Variants in L3MBTL3 observed in about 807,000 individuals in gnomAD.
L3MBTL3 encodes L3MBTL histone methyl-lysine binding protein 3.
Under a neutral mutation model 102.3 loss-of-function variants are expected in L3MBTL3, and 27 were observed. The observed-to-expected ratio is 0.26, with a 90% CI of 0.19 to 0.36. The LOEUF (loss-of-function observed/expected upper bound fraction) is 0.36. Ranked by LOEUF, L3MBTL3 falls within the 10% of genes least tolerant of loss-of-function variation. The pLI is 1.00. For missense variants in L3MBTL3, 798 were observed against 955.3 expected, an observed-to-expected ratio of 0.84 and a Z score of 2.17; for synonymous variants, 340 against 320.9, an observed-to-expected ratio of 1.06 and a Z score of -0.64.
intron 15 of L3MBTL3, among the ~76,000 whole-genome samples, chr6:130,084,578 T>G (rs1405338724): frequency 6.6e-6 from 1 of 152,156 alleles, no homozygotes; most frequent in African/African-American, 2.4e-5. Context: ...AGTTGAAGAT[T>G]TAAAAAAGAA....
intron 20 of L3MBTL3, among the ~76,000 whole-genome samples, chr6:130,123,106 T>G (rs372767445): frequency 6.6e-6 from 1 of 152,244 alleles, no homozygotes; most frequent in African/African-American, 2.4e-5. Flanking sequence ...TATTTAACTT[T>G]CCATTTTATT....
At chr6:130,021,669 AT>A (rs1268246759) in intron 1 of L3MBTL3, among the ~76,000 whole-genome samples, 3 of 152,202 alleles carry the variant, frequency 2.0e-5, no homozygotes, top group Non-Finnish European at 4.4e-5. Context: ...TGTCTTTTAT[AT>A]GAGCTGTTCA....
Position 130,069,258 on chromosome 6 carries a change from G to A in L3MBTL3, c.1092+837G>A, listed in dbSNP as rs779087905. Among the ~76,000 whole-genome samples the A allele has an allele frequency of 6.2e-4, 94 of 152,312 alleles. 1 individual carries two copies. The highest frequency in any genetic ancestry group is 4.4e-4 in the Non-Finnish European group (30 of 68,020). On this transcript the variant is annotated intron_variant, in intron 12 of 22. Transcript: ENST00000361794. Reference sequence around the variant, plus strand: ...TTCCAGAGTCACCAGGCTGGTAGCAGTGAGTGAGACAGTGGGGAGAAGCAG... The same window carrying A: ...TTCCAGAGTCACCAGGCTGGTAGCAATGAGTGAGACAGTGGGGAGAAGCAG...
intron 15 of L3MBTL3, among the ~76,000 whole-genome samples, chr6:130,085,543 A>C (rs1418148587): frequency 6.6e-6 from 1 of 152,078 alleles, no homozygotes; most frequent in Non-Finnish European, 1.5e-5. Context: ...CAGTATTTTG[A>C]ATTTTACTCT....
rs1297640793 is a variant in L3MBTL3, at chr6:130,049,290, A to G, written c.111A>G (p.Val37=). ...TGCTGTGTTGTTGCTAGTTTCGGGT[A>G]AATGAGTTTGGAGCCCTGGAAGTTA... ...TLPGSDLKFR[V]NEFGALEVIT... is the part of the protein sequence containing the mutation. Residue 37 remains valine, a synonymous_variant, in exon 4 of 23, where the codon GTA becomes GTG. Transcript: ENST00000361794. 1 of 1,609,920 alleles carries G rather than the reference A, an allele frequency of 6.2e-7. No individual in the cohort carries two copies. Among genetic ancestry groups the G allele is most frequent in the South Asian group, 1.1e-5 (1 of 90,492 alleles).
chr6:130,139,789 T>C lies in L3MBTL3; in HGVS notation c.*36T>C, dbSNP rs1428713853. The C allele has an allele frequency of 1.2e-6, 2 of 1,601,394 alleles. No homozygotes were observed. The highest frequency in any genetic ancestry group is 1.7e-6 in the Non-Finnish European group (2 of 1,172,514). On this transcript the variant is annotated 3_prime_UTR_variant, in exon 23 of 23. Coordinates refer to ENST00000361794, the MANE Select transcript of L3MBTL3 (RefSeq NM_032438.4). ...TTCTGAATACCATCAGCATTCTGCTTTAAAGCTCATGTTTTATTCAAAGCA... is the reference window on the plus strand; with the variant it reads ...TTCTGAATACCATCAGCATTCTGCTCTAAAGCTCATGTTTTATTCAAAGCA...
At chr6:130,025,309 G>T (rs893077079) in intron 2 of L3MBTL3, among the ~76,000 whole-genome samples, 3 of 152,090 alleles carry the variant, frequency 2.0e-5, no homozygotes, top group Non-Finnish European at 4.4e-5. Flanking sequence ...TTTTCTAAAG[G>T]GCTTCATTAT....
At chr6:130,065,671 CAG>C (rs1346626523) in intron 10 of L3MBTL3, among the ~76,000 whole-genome samples, 3 of 152,190 alleles carry the variant, frequency 2.0e-5, no homozygotes, top group Admixed American at 1.3e-4. Context: ...GAAGAAGTCT[CAG>C]GGGCTGAACC....
At chr6:130,108,857 C>G (rs1230363008) in intron 19 of L3MBTL3, among the ~76,000 whole-genome samples, 1 of 152,050 alleles carries the variant, frequency 6.6e-6, no homozygotes, top group African/African-American at 2.4e-5. Context: ...CTCCCCTTGC[C>G]CCTGTCCCCC....
At chr6:130,104,395 C>CT (rs376203297) in intron 18 of L3MBTL3, 31 bp from the exon 19 acceptor site, 14,420 of 1,279,356 alleles carry the variant, frequency 0.011, 6 homozygotes, top group East Asian at 0.034. Context: ...GTTCAATGTT[C>CT]TTTTTTTTTT....
intron 12 of L3MBTL3, among the ~76,000 whole-genome samples, chr6:130,068,937 G>T (rs989629129): frequency 2.0e-5 from 3 of 152,118 alleles, no homozygotes; most frequent in Non-Finnish European, 4.4e-5. Flanking sequence ...TCCATTGGCC[G>T]ACTTGATCCA....
chr6:130,120,323 C>T (rs917055452), intron 19 of L3MBTL3, among the ~76,000 whole-genome samples: 2 of 152,162 alleles, frequency 1.3e-5, no homozygotes, highest in African/African-American at 4.8e-5. Context: ...TTTGGAGCAT[C>T]TCTGGCATGT....
intron 19 of L3MBTL3, 36 bp from the exon 20 acceptor site, chr6:130,120,843 T>C: frequency 2.0e-6 from 3 of 1,512,702 alleles, no homozygotes; most frequent in Non-Finnish European, 2.7e-6. Flanking sequence ...TTAAAATGTT[T>C]CTCTTATAAA....
intron 5 of L3MBTL3, among the ~76,000 whole-genome samples, chr6:130,050,992 T>A (rs1162039364): frequency 6.6e-6 from 1 of 152,242 alleles, no homozygotes; most frequent in Non-Finnish European, 1.5e-5. Context: ...TTCTTCATTT[T>A]ACTTTGAACT....
intron 19 of L3MBTL3, 127 bp downstream of exon 19, chr6:130,104,702 A>T (rs1784885598): frequency 5.2e-6 from 3 of 579,202 alleles, no homozygotes; most frequent in Non-Finnish European, 2.7e-6. Context: ...ACCTGACTTA[A>T]TGTGAAATGA....
chr6:130,083,962 G>T (rs1413725620), intron 15 of L3MBTL3, among the ~76,000 whole-genome samples: 1 of 152,098 alleles, frequency 6.6e-6, no homozygotes, highest in Non-Finnish European at 1.5e-5. Context: ...TCGATAGCAT[G>T]TGGGGCCAGT....
chr6:130,113,623 A>G (rs1785482773), intron 19 of L3MBTL3, among the ~76,000 whole-genome samples: 1 of 152,206 alleles, frequency 6.6e-6, no homozygotes, highest in Non-Finnish European at 1.5e-5. Flanking sequence ...TAACTGGTCT[A>G]ATGGCAGAAA....
chr6:130,063,410 G>A (rs1192531355), intron 10 of L3MBTL3, among the ~76,000 whole-genome samples: 1 of 152,150 alleles, frequency 6.6e-6, no homozygotes, highest in Non-Finnish European at 1.5e-5. Context: ...GAATTGCTAG[G>A]CAGTGGCAAA....
intron 5 of L3MBTL3, 103 bp downstream of exon 5, chr6:130,049,933 A>G (rs1780987504): frequency 5.7e-6 from 8 of 1,397,606 alleles, no homozygotes; most frequent in Non-Finnish European, 7.6e-6. Context: ...TCAGTTGACA[A>G]TAGCACCATC....
Sources: allele counts gnomAD v4.1 joint callset (sites outside exome capture counted in the v4.1 genomes callset), GRCh38; gene constraint gnomAD v4.1.1; transcripts MANE v1.5; gene names NCBI Gene and HGNC (gene_info 2026-07-23, HGNC 2026-07-21).